Variants in CD244 observed in about 807,000 individuals in gnomAD.
CD244 encodes the protein natural killer cell receptor 2B4.
CD244 carries 20 observed loss-of-function variants against 45.5 expected under a neutral mutation model. That is an observed-to-expected ratio of 0.44 (90% confidence interval 0.31 to 0.64). The LOEUF is 0.64. Among genes scored for constraint, CD244 ranks in the 30% least tolerant of loss-of-function variants. CD244 has a pLI of 0.08. For missense variants in CD244, 407 were observed against 426.9 expected, an observed-to-expected ratio of 0.95 and a Z score of 0.41; for synonymous variants, 185 against 160.5, an observed-to-expected ratio of 1.15 and a Z score of -1.15.
chr1:160,846,437 C>A (rs1165004868), intron 1 of CD244, among the ~76,000 whole-genome samples: 1 of 152,200 alleles, frequency 6.6e-6, no homozygotes, highest in Admixed American at 6.5e-5. Flanking sequence ...GAGGCTGAAG[C>A]AGGTGAATCA....
At position 160,839,058 on chromosome 1, in the gene CD244, T is replaced by C. The variant is rs1410292901; in HGVS notation, c.656-9A>G. On this transcript the variant is annotated splice_polypyrimidine_tract_variant and intron_variant, in intron 3 of 8. Coordinates refer to ENST00000368034, the MANE Select transcript of CD244 (RefSeq NM_016382.4). ...CGGCCAAAATCTGAATTCTGAGGAATACAGAAGGCGTGAGAACTGAGCTGT... is the reference window on the plus strand; with the variant it reads ...CGGCCAAAATCTGAATTCTGAGGAACACAGAAGGCGTGAGAACTGAGCTGT... 4.4e-6 allele frequency: 7 copies of C among 1,599,170 alleles called. No individual in the cohort carries two copies. Among genetic ancestry groups the C allele is most frequent in the Non-Finnish European group, 6.0e-6 (7 of 1,167,198 alleles).
chr1:160,854,481 C>T (rs1268012091), intron 1 of CD244, among the ~76,000 whole-genome samples: 1 of 151,978 alleles, frequency 6.6e-6, no homozygotes, highest in Non-Finnish European at 1.5e-5. Context: ...CTCCCAGGTT[C>T]AAGTGATTCT....
intron 7 of CD244, among the ~76,000 whole-genome samples, chr1:160,833,264 T>C (rs533609501): frequency 1.3e-5 from 2 of 152,304 alleles, no homozygotes; most frequent in East Asian, 3.9e-4. Flanking sequence ...AATGGCTTAT[T>C]GGAAGGAGGT....
At chr1:160,847,164 C>A (rs1324096201) in intron 1 of CD244, among the ~76,000 whole-genome samples, 9 of 151,982 alleles carry the variant, frequency 5.9e-5, no homozygotes, top group Admixed American at 5.9e-4. Flanking sequence ...AATAAACAAT[C>A]ATCTTCAGTT....
At chr1:160,850,655 G>A (rs1669888525) in intron 1 of CD244, among the ~76,000 whole-genome samples, 1 of 152,132 alleles carries the variant, frequency 6.6e-6, no homozygotes, top group African/African-American at 2.4e-5. Context: ...TCTAGAAATA[G>A]ACCCTGTGTG....
intron 7 of CD244, 142 bp downstream of exon 7, chr1:160,833,909 A>C (rs1669225728): frequency 8.1e-6 from 5 of 615,378 alleles, no homozygotes; most frequent in Non-Finnish European, 1.5e-5. Context: ...ACATTTAAAT[A>C]CAGTCATTTA....
chr1:160,862,493 G>T, intron 1 of CD244, 124 bp downstream of exon 1: 1 of 765,826 alleles, frequency 1.3e-6, no homozygotes, highest in Non-Finnish European at 2.2e-6. Flanking sequence ...GCTGTCAGGA[G>T]CTGCTCGGAG....
In CD244 at chr1:160,837,106, A is replaced by G. The variant is rs115633090; in HGVS notation, c.835-852T>C. Among the ~76,000 whole-genome samples the G allele has an allele frequency of 2.2e-3, 329 of 152,318 alleles. 2 individuals are homozygous for G. The highest frequency in any genetic ancestry group is 7.3e-3 in the African/African-American group (305 of 41,560). ...GAGCTGGGTCTCAAAGTGAGACCAC[A>G]TGAAACTTGAGATTTAGGCCTTCAA... On this transcript the variant is annotated intron_variant, in intron 5 of 8. Coordinates refer to ENST00000368034, the MANE Select transcript of CD244 (RefSeq NM_016382.4).
At position 160,838,515 on chromosome 1, in the gene CD244, G is replaced by T. The variant is rs1377239214; in HGVS notation, c.770C>A (p.Thr257Asn). 2 of 1,610,846 alleles carry T rather than the reference G, an allele frequency of 1.2e-6. No individual in the cohort carries two copies. Among genetic ancestry groups the T allele is most frequent in the South Asian group, 1.1e-5 (1 of 91,002 alleles). Residue 257 changes from threonine to asparagine, a missense_variant, in exon 5 of 9, where the codon ACC becomes AAC. By Grantham distance (65) the Thr-to-Asn change is moderately conservative. Coordinates refer to ENST00000368034, the MANE Select transcript of CD244 (RefSeq NM_016382.4). ...AATTGTCAAAAATTCCTTGGGACTG[G>T]TCTCTGAGGGAGGAAGAAAACAAAG... ...RRKRKEKQSETSPKEFLTIYE... is the reference protein window; with the variant it reads ...RRKRKEKQSENSPKEFLTIYE...
chr1:160,859,611 A>G (rs1040850549), intron 1 of CD244, among the ~76,000 whole-genome samples: 14 of 152,172 alleles, frequency 9.2e-5, no homozygotes, highest in African/African-American at 3.4e-4. Flanking sequence ...AATAATTTTA[A>G]AAATGCATAT....
At position 160,853,782 on chromosome 1, in the gene CD244, T is replaced by TAA. The variant is rs5778184; in HGVS notation, c.61+8833_61+8834dup. ...CTGGGTGACAGAGCAAGACCCTGCC[T>TAA]AAAAAAAAAAAAAAAAAAAAAAAAA... is the stretch of plus-strand genomic sequence containing the variant. On this transcript the variant is annotated intron_variant, in intron 1 of 8. Coordinates refer to ENST00000368034, the MANE Select transcript of CD244 (RefSeq NM_016382.4). 8.3e-3 allele frequency among the ~76,000 whole-genome samples: 782 copies of TAA among 94,660 alleles called. 35 individuals carry two copies. The highest frequency in any genetic ancestry group is 0.032 in the African/African-American group (734 of 23,080). The allele number at this position is 94,660 out of a possible 152,430, so 62.1% of individuals were successfully genotyped here.
intron 8 of CD244, among the ~76,000 whole-genome samples, chr1:160,831,728 A>G (rs544723421): frequency 5.9e-5 from 9 of 152,270 alleles, no homozygotes; most frequent in African/African-American, 2.2e-4. Flanking sequence ...ATGTTGGGTG[A>G]TAGCTGAAGT....
At chr1:160,833,756 C>A (rs1310998551) in intron 7 of CD244, among the ~76,000 whole-genome samples, 1 of 152,210 alleles carries the variant, frequency 6.6e-6, no homozygotes, top group Non-Finnish European at 1.5e-5. Context: ...TCTCTCTGTG[C>A]AAAGCACCTC....
At chr1:160,845,973 A>T (rs1669719002) in intron 1 of CD244, among the ~76,000 whole-genome samples, 2 of 152,210 alleles carry the variant, frequency 1.3e-5, no homozygotes, top group South Asian at 4.1e-4. Flanking sequence ...AGAGTGGGGG[A>T]AAACTAAATT....
chr1:160,855,251 A>C (rs1339979823), intron 1 of CD244, among the ~76,000 whole-genome samples: 1 of 152,148 alleles, frequency 6.6e-6, no homozygotes, highest in African/African-American at 2.4e-5. Flanking sequence ...CCTTTTGGGG[A>C]ACAGGAGAAG....
At position 160,834,095 on chromosome 1, in the gene CD244, C is replaced by T; in HGVS notation, c.916G>A (p.Glu306Lys). 6.2e-7 allele frequency: 1 copy of T among 1,610,938 alleles called. No individual in the cohort carries two copies. Among genetic ancestry groups the T allele is most frequent in the Non-Finnish European group, 8.5e-7 (1 of 1,177,166 alleles). ...AATGAATATAATGTATATGCAGGTTCTTGTGACGTGGGAGCAGAAGACTAA... is the reference window on the plus strand; with the variant it reads ...AATGAATATAATGTATATGCAGGTTTTTGTGACGTGGGAGCAGAAGACTAA... ...QSQSSAPTSQ[E>K]PAYTLYSLIQ... Residue 306 changes from glutamate to lysine, a missense_variant, in exon 7 of 9, where the codon GAA (glutamate) becomes AAA (lysine). Glu to Lys is a moderately conservative substitution (Grantham distance 56). Coordinates refer to ENST00000368034, the MANE Select transcript of CD244 (RefSeq NM_016382.4).
At chr1:160,852,269 G>C (rs375345994) in intron 1 of CD244, among the ~76,000 whole-genome samples, 4 of 152,374 alleles carry the variant, frequency 2.6e-5, no homozygotes, top group East Asian at 1.9e-4. Flanking sequence ...AGGTCTGAAG[G>C]CTGGGCGAAG....
intron 7 of CD244, chr1:160,832,832 C>A: frequency 2.0e-6 from 1 of 504,516 alleles, no homozygotes; most frequent in Non-Finnish European, 3.7e-6. Context: ...TCCATACCCA[C>A]ATACACCTAA....
rs573003338 is a variant in CD244, at chr1:160,830,591, A to G, written c.*756T>C. 16 of 152,472 alleles carry G rather than the reference A, an allele frequency of 1.0e-4. No homozygotes were observed. Among genetic ancestry groups the G allele is most frequent in the African/African-American group, 3.6e-4 (15 of 41,572 alleles). 9.4% of individuals were successfully genotyped at this position (152,472 alleles called of 1,614,324 possible). On this transcript the variant is annotated 3_prime_UTR_variant, in exon 9 of 9. Coordinates refer to ENST00000368034, the MANE Select transcript of CD244 (RefSeq NM_016382.4). Reference sequence around the variant, plus strand: ...CTATGAAGAAGCCAAATGGATTTCTAACAATGCGTCTTCATAAATCAAACA... The same window carrying G: ...CTATGAAGAAGCCAAATGGATTTCTGACAATGCGTCTTCATAAATCAAACA...
Sources: gnomAD v4.1 joint callset for allele counts (sites outside exome capture counted in the v4.1 genomes callset) on GRCh38, gnomAD v4.1.1 for gene constraint, MANE v1.5 for transcripts, NCBI Gene and HGNC (gene_info 2026-07-23, HGNC 2026-07-21) for gene names.